Variants in DAB2IP observed in about 807,000 individuals in gnomAD.
The protein encoded by DAB2IP is DAB2 interacting protein.
In DAB2IP, 28 loss-of-function variants were observed where a neutral mutation model predicts 107.2. That is an observed-to-expected ratio of 0.26 (90% confidence interval 0.19 to 0.36). The LOEUF is 0.36. Ranked by LOEUF, DAB2IP falls within the 10% of genes least tolerant of loss-of-function variation. DAB2IP has a pLI of 1.00. For synonymous variants in DAB2IP, 755 were observed against 706.4 expected (o/e 1.07, Z -1.09); for missense variants, 1,400 against 1,644.7 (o/e 0.85, Z 2.57).
chr9:121,576,807 G>A (rs927774232), intron 1 of DAB2IP, among the ~76,000 whole-genome samples: 1 of 152,166 alleles, frequency 6.6e-6, no homozygotes, highest in Non-Finnish European at 1.5e-5. Flanking sequence ...AGGGCCTGCA[G>A]GGCCATCCAG....
Position 121,612,318 on chromosome 9 carries a change from C to A in DAB2IP, c.40+45090C>A, listed in dbSNP as rs573331802. 2.0e-4 allele frequency among the ~76,000 whole-genome samples: 30 copies of A among 151,556 alleles called. 1 individual carries two copies. The highest frequency in any genetic ancestry group is 1.9e-3 in the South Asian group (9 of 4,794). Reference sequence around the variant, plus strand: ...CTCCCACTTTGGTAGCAGAGTGAGACCCTGCCTCAAAAAAAAATTATTATT... The same window carrying A: ...CTCCCACTTTGGTAGCAGAGTGAGAACCTGCCTCAAAAAAAAATTATTATT... On this transcript the variant is annotated intron_variant, in intron 1 of 16. Coordinates refer to the DAB2IP transcript ENST00000259371.
At chr9:121,694,706 T>C (rs1474050061) in intron 2 of DAB2IP, among the ~76,000 whole-genome samples, 1 of 151,822 alleles carries the variant, frequency 6.6e-6, no homozygotes, top group Non-Finnish European at 1.5e-5. Context: ...CTCAGTGATA[T>C]GATGGAAGCC....
intron 1 of DAB2IP, among the ~76,000 whole-genome samples, chr9:121,631,683 G>A (rs576978465): frequency 2.0e-5 from 3 of 152,158 alleles, no homozygotes; most frequent in African/African-American, 7.2e-5. Flanking sequence ...GGGCGTGGTG[G>A]CATGTGCCTG....
intron 3 of DAB2IP, among the ~76,000 whole-genome samples, chr9:121,720,109 C>T (rs1339825136): frequency 6.6e-6 from 1 of 152,246 alleles, no homozygotes; most frequent in Non-Finnish European, 1.5e-5. Flanking sequence ...GCAGCTCCAA[C>T]TCTGGCCTCT....
Position 121,736,503 on chromosome 9 carries a change from C to T in DAB2IP, c.363-20510C>T, listed in dbSNP as rs1295581646. On this transcript the variant is annotated intron_variant, in intron 3 of 15. Transcript: ENST00000408936. This position sits in a 1 kb window ranked among gnomAD's most constrained non-coding sequence, Gnocchi z 4.6. Reference sequence around the variant, plus strand: ...AGGCAGCTGGCCGCGGAATGTCACCCGCTGCCGGGCCTGGGAAGGGCTGGG... The same window carrying T: ...AGGCAGCTGGCCGCGGAATGTCACCTGCTGCCGGGCCTGGGAAGGGCTGGG... 4.1e-5 allele frequency among the ~76,000 whole-genome samples: 6 copies of T among 146,508 alleles called. No homozygotes were observed. In the South Asian group the frequency reaches 6.6e-4, roughly 16 times the overall value.
At chr9:121,774,361 C>G (rs1178279427) in exon 13 of DAB2IP, 1 of 1,612,722 alleles carries the variant, frequency 6.2e-7, no homozygotes, top group Non-Finnish European at 8.5e-7. Flanking sequence ...GCCCAGACCC[C>G]CCCCACAGGG....
intron 2 of DAB2IP, among the ~76,000 whole-genome samples, chr9:121,689,104 T>C (rs900351593): frequency 6.6e-6 from 1 of 151,824 alleles, no homozygotes; most frequent in Non-Finnish European, 1.5e-5. Flanking sequence ...ACCAGCATGG[T>C]CAACATGGTG....
intron 13 of DAB2IP, among the ~76,000 whole-genome samples, chr9:121,775,455 G>C (rs1328363109): frequency 6.6e-6 from 1 of 152,208 alleles, no homozygotes; most frequent in Non-Finnish European, 1.5e-5. Context: ...GAGTGAGGAG[G>C]ACTGGCCTCA....
intron 1 of DAB2IP, among the ~76,000 whole-genome samples, chr9:121,657,942 C>T (rs1833036995): frequency 6.6e-6 from 1 of 152,130 alleles, no homozygotes; most frequent in African/African-American, 2.4e-5. Flanking sequence ...AGGCCACTTG[C>T]CCGTGGTTAC....
intron 2 of DAB2IP, among the ~76,000 whole-genome samples, chr9:121,680,666 C>T (rs1828537878): frequency 6.6e-6 from 1 of 152,064 alleles, no homozygotes; most frequent in Non-Finnish European, 1.5e-5. Context: ...TAATAGTAGC[C>T]ACCTCCATTG....
chr9:121,705,190 A>G (rs1237579504), intron 3 of DAB2IP, among the ~76,000 whole-genome samples: 1 of 152,242 alleles, frequency 6.6e-6, no homozygotes, highest in Non-Finnish European at 1.5e-5. Context: ...TGGGATCAGC[A>G]AGGCTGGGGT....
chr9:121,772,597 C>T lies in DAB2IP; in HGVS notation c.2079-10C>T, dbSNP rs1402527046. ...CCCTTCTTTCCCTGTGTGTGCTTGT[C>T]TCCCTGCAGTCTGATAGATTTCACC... is the stretch of plus-strand genomic sequence containing the variant. On this transcript the variant is annotated splice_polypyrimidine_tract_variant and intron_variant, in intron 11 of 15. Transcript: ENST00000408936. This position sits in a 1 kb window ranked among gnomAD's most constrained non-coding sequence, Gnocchi z 4.7. 6.2e-7 allele frequency: 1 copy of T among 1,605,904 alleles called. No individual in the cohort carries two copies. Among genetic ancestry groups the T allele is most frequent in the Non-Finnish European group, 8.5e-7 (1 of 1,174,900 alleles).
chr9:121,578,865 C>G (rs1007775061), intron 1 of DAB2IP, among the ~76,000 whole-genome samples: 1 of 150,358 alleles, frequency 6.7e-6, no homozygotes, highest in Non-Finnish European at 1.5e-5. Flanking sequence ...CTCAGCCTCC[C>G]GAGTAGCTGG....
exon 12 of DAB2IP, chr9:121,773,126 G>C: frequency 6.2e-7 from 1 of 1,611,704 alleles, no homozygotes; most frequent in South Asian, 1.1e-5. Context: ...GCGAGGAGTT[G>C]GCGGCTGCTG....
chr9:121,724,791 C>G (rs1326036219), intron 3 of DAB2IP, among the ~76,000 whole-genome samples: 1 of 152,104 alleles, frequency 6.6e-6, no homozygotes, highest in African/African-American at 2.4e-5. Flanking sequence ...TGTCTGTGGC[C>G]TCTGAGCCCT....
At chr9:121,690,076 G>A (rs942235002) in intron 2 of DAB2IP, among the ~76,000 whole-genome samples, 13 of 152,232 alleles carry the variant, frequency 8.5e-5, no homozygotes, top group African/African-American at 2.9e-4. Flanking sequence ...GAAGTCATGG[G>A]AAGCTCTAAT....
chr9:121,624,127 T>C (rs1402392651), intron 1 of DAB2IP, among the ~76,000 whole-genome samples: 1 of 152,234 alleles, frequency 6.6e-6, no homozygotes, highest in Non-Finnish European at 1.5e-5. Flanking sequence ...ACTACCTACC[T>C]GTGCACCTGT....
At chr9:121,580,607 C>G (rs1830168543) in intron 1 of DAB2IP, among the ~76,000 whole-genome samples, 1 of 151,726 alleles carries the variant, frequency 6.6e-6, no homozygotes, top group Non-Finnish European at 1.5e-5. Context: ...TTGAGAACTA[C>G]AGAGTAGCCC....
At chr9:121,751,224 A>G (rs1489739906) in intron 3 of DAB2IP, 2 of 172,130 alleles carry the variant, frequency 1.2e-5, no homozygotes, top group African/African-American at 4.8e-5. Flanking sequence ...CCACCCCTGG[A>G]CGATGGAAAG....
Sources: gnomAD v4.1 joint callset for allele counts (sites outside exome capture counted in the v4.1 genomes callset) on GRCh38, gnomAD v4.1.1 for gene constraint, Gnocchi (gnomAD v3.1) non-coding constraint, MANE v1.5 for transcripts, NCBI Gene and HGNC (gene_info 2026-07-23, HGNC 2026-07-21) for gene names.